The following ADGRL2 variants were observed in gnomAD, a reference collection of about 807,000 sequenced individuals.
ADGRL2 encodes adhesion G protein-coupled receptor L2.
ADGRL2 carries 44 observed loss-of-function variants against 157.4 expected under a neutral mutation model. The ratio of observed to expected loss-of-function variants is 0.28; its 90% CI spans 0.22 to 0.36. The LOEUF (loss-of-function observed/expected upper bound fraction) is 0.36, where lower values mean the gene tolerates loss of function less well. Ranked by LOEUF, ADGRL2 falls within the 10% of genes least tolerant of loss-of-function variation. The pLI is 1.00. For synonymous variants in ADGRL2, 585 were observed against 624.7 expected, an observed-to-expected ratio of 0.94 and a Z score of 0.95; for missense variants, 1,510 against 1,768.9, an observed-to-expected ratio of 0.85 and a Z score of 2.63.
In ADGRL2 at chr1:81,991,819, A is replaced by G. The variant is rs1363677202; in HGVS notation, c.*674A>G. On this transcript the variant is annotated 3_prime_UTR_variant, in exon 24 of 24. Coordinates refer to ENST00000686636, the MANE Select transcript of ADGRL2 (RefSeq NM_001366006.2). ...AAATACATTTGTGTCCAACTGAAAT[A>G]TAATTGTCATTAAAATAATTTTAAA... The G allele has an allele frequency of 6.5e-6, 1 of 152,694 alleles. No individual in the cohort carries two copies. The highest frequency in any genetic ancestry group is 6.5e-5 in the Admixed American group (1 of 15,282). 9.5% of individuals were successfully genotyped at this position (152,694 alleles called of 1,614,324 possible). A position where few individuals can be genotyped will look rare whatever the true frequency, so the allele number is the denominator to read the frequency against.
intron 2 of ADGRL2, among the ~76,000 whole-genome samples, chr1:81,487,105 A>AT (rs1295290541): frequency 1.4e-5 from 2 of 140,998 alleles, no homozygotes. Flanking sequence ...AAAAAAAAAA[A>AT]AAAAGAAAGT....
chr1:81,612,239 T>C (rs1266123736), intron 3 of ADGRL2, among the ~76,000 whole-genome samples: 3 of 152,122 alleles, frequency 2.0e-5, no homozygotes, highest in African/African-American at 7.2e-5. Context: ...AGCTAGTTTG[T>C]AGGTGAGAAA....
At chr1:81,359,204 G>A (rs1002414081) in intron 1 of ADGRL2, among the ~76,000 whole-genome samples, 1 of 152,058 alleles carries the variant, frequency 6.6e-6, no homozygotes, top group Non-Finnish European at 1.5e-5. Context: ...AACAATAAAT[G>A]AGCAGGCCTT....
chr1:81,583,570 C>A lies in ADGRL2; in HGVS notation c.-143+2590C>A, dbSNP rs569732529. On this transcript the variant is annotated intron_variant, in intron 3 of 24. Transcript: ENST00000370721. ...AAGATTTACGTTTACTTATTTTACT[C>A]TTCACGTTGGTTGCAAAGCTCCTCC... is the stretch of plus-strand genomic sequence containing the variant. Among the ~76,000 whole-genome samples the A allele has an allele frequency of 2.0e-5, 3 of 152,260 alleles. No individual in the cohort carries two copies. The East Asian group carries it at 5.8e-4, about 29-fold the overall frequency.
chr1:81,405,173 C>T (rs1043411211), intron 1 of ADGRL2, among the ~76,000 whole-genome samples: 2 of 152,126 alleles, frequency 1.3e-5, no homozygotes, highest in African/African-American at 4.8e-5. Flanking sequence ...GAGGAATGCC[C>T]ACTCTGAGGA....
intron 3 of ADGRL2, among the ~76,000 whole-genome samples, chr1:81,920,020 CAG>C (rs1395535610): frequency 6.6e-6 from 1 of 152,116 alleles, no homozygotes; most frequent in Non-Finnish European, 1.5e-5. Flanking sequence ...TTGAGACTGA[CAG>C]AGACTATTAA....
intron 2 of ADGRL2, among the ~76,000 whole-genome samples, chr1:81,496,176 GA>G (rs1215532233): frequency 6.6e-6 from 1 of 152,008 alleles, no homozygotes. Flanking sequence ...TTTTATTATT[GA>G]AACCCAAACT....
intron 1 of ADGRL2, among the ~76,000 whole-genome samples, chr1:81,405,585 G>C (rs535139209): frequency 1.2e-4 from 18 of 150,466 alleles, no homozygotes; most frequent in African/African-American, 4.4e-4. Context: ...GGGAGGCAGA[G>C]GCTGCAGTGA....
chr1:81,327,952 C>T (rs968282924), intron 1 of ADGRL2, among the ~76,000 whole-genome samples: 1 of 152,164 alleles, frequency 6.6e-6, no homozygotes, highest in Non-Finnish European at 1.5e-5. Context: ...AGTCATTTGA[C>T]AGCCCCCAGC....
intron 1 of ADGRL2, among the ~76,000 whole-genome samples, chr1:81,355,135 G>T (rs571433800): frequency 2.0e-5 from 3 of 152,136 alleles, no homozygotes; most frequent in Non-Finnish European, 4.4e-5. Flanking sequence ...GTTATATTTG[G>T]TTGAAACTTG....
chr1:81,634,807 C>T (rs2082084554), intron 3 of ADGRL2, among the ~76,000 whole-genome samples: 1 of 152,144 alleles, frequency 6.6e-6, no homozygotes, highest in African/African-American at 2.4e-5. Flanking sequence ...CAAGCATGAG[C>T]CGTCGCGCCT....
At chr1:81,514,841 T>C (rs545260739) in intron 2 of ADGRL2, 1 of 152,356 alleles carries the variant, frequency 6.6e-6, no homozygotes, top group South Asian at 2.1e-4. Context: ...TTACCATCTC[T>C]GCAGTGTTGT....
At chr1:81,692,869 A>G (rs1166041249) in intron 3 of ADGRL2, among the ~76,000 whole-genome samples, 1 of 152,218 alleles carries the variant, frequency 6.6e-6, no homozygotes, top group Non-Finnish European at 1.5e-5. Context: ...AAGTTCTGGT[A>G]CCACTGGATG....
intron 1 of ADGRL2, among the ~76,000 whole-genome samples, chr1:81,322,893 T>C (rs1034659346): frequency 2.6e-5 from 4 of 152,178 alleles, no homozygotes; most frequent in Non-Finnish European, 4.4e-5. Flanking sequence ...GGCCTCACTC[T>C]GTTGCCCAGG....
At chr1:81,759,724 A>G (rs1045625359) in intron 1 of ADGRL2, among the ~76,000 whole-genome samples, 1 of 152,070 alleles carries the variant, frequency 6.6e-6, no homozygotes, top group African/African-American at 2.4e-5. Flanking sequence ...AATTTCCTTC[A>G]TGCTTGGACA....
intron 3 of ADGRL2, among the ~76,000 whole-genome samples, chr1:81,927,430 AT>A (rs2148703970): frequency 6.6e-6 from 1 of 152,132 alleles, no homozygotes; most frequent in South Asian, 2.1e-4. Context: ...CACAGGTGCA[AT>A]TTTAAAAAAT....
chr1:81,819,512 G>A (rs2090765035), intron 1 of ADGRL2, among the ~76,000 whole-genome samples: 1 of 152,040 alleles, frequency 6.6e-6, no homozygotes, highest in African/African-American at 2.4e-5. Context: ...CCTTTTAAAT[G>A]TTTTTAAATG....
chr1:81,722,017 G>A, intron 1 of ADGRL2: 1 of 468,042 alleles, frequency 2.1e-6, no homozygotes, highest in South Asian at 1.8e-5. Flanking sequence ...ATAGGACCAG[G>A]CGCGGTGACT....
chr1:81,381,190 T>C (rs1395678847), intron 1 of ADGRL2, among the ~76,000 whole-genome samples: 1 of 152,172 alleles, frequency 6.6e-6, no homozygotes, highest in Admixed American at 6.5e-5. Flanking sequence ...AATATAATTA[T>C]ATTGTCAGTC....
Sources: gnomAD v4.1 joint callset for allele counts (sites outside exome capture counted in the v4.1 genomes callset) on GRCh38, gnomAD v4.1.1 for gene constraint, MANE v1.5 for transcripts, NCBI Gene and HGNC (gene_info 2026-07-23, HGNC 2026-07-21) for gene names.